MRTFB: variants seen among roughly 807,000 people sequenced by gnomAD.
MRTFB encodes the protein myocardin related transcription factor B.
MRTFB carries 29 observed loss-of-function variants against 104.2 expected under a neutral mutation model. That is an observed-to-expected ratio of 0.28 (90% CI 0.21 to 0.38). MRTFB has a LOEUF of 0.38. Among genes scored for constraint, MRTFB ranks in the 10% least tolerant of loss-of-function variants. The probability of loss-of-function intolerance (pLI) is 1.00; values close to 1 mark genes in which losing one functional copy is unlikely to be tolerated. For missense variants in MRTFB, 1,270 were observed against 1,341.6 expected, an observed-to-expected ratio of 0.95 and a Z score of 0.83; for synonymous variants, 535 against 519.5, an observed-to-expected ratio of 1.03 and a Z score of -0.41.
chr16:14,026,774 G>T, the MRTFB span, among the ~76,000 whole-genome samples: 1 of 152,160 alleles, frequency 6.6e-6, no homozygotes, highest in African/African-American at 2.4e-5. Context: ...GAGGATATAT[G>T]GTTGGCATAC....
In MRTFB at chr16:14,240,489, G is replaced by A. The variant is rs1489868281; in HGVS notation, c.1079+5G>A. 10 of 1,614,196 alleles carry A rather than the reference G, an allele frequency of 6.2e-6. No homozygotes were observed. Among genetic ancestry groups the A allele is most frequent in the South Asian group, 1.1e-5 (1 of 91,080 alleles). ...CATCCTGCCTGCACCATTCAAGTACGGCGGGGCCCATGCTATCCTCAACGC... is the reference window on the plus strand; with the variant it reads ...CATCCTGCCTGCACCATTCAAGTACAGCGGGGCCCATGCTATCCTCAACGC... On this transcript the variant is annotated splice_donor_5th_base_variant and intron_variant, in intron 10 of 16. Coordinates refer to ENST00000571589, the MANE Select transcript of MRTFB (RefSeq NM_001308142.2).
In MRTFB at chr16:14,266,215, A is replaced by C. The variant is rs1418018412; in HGVS notation, c.*4771A>C. 1 of 152,238 alleles carries C rather than the reference A, an allele frequency of 6.6e-6. No homozygotes were observed. Among genetic ancestry groups the C allele is most frequent in the East Asian group, 1.9e-4 (1 of 5,204 alleles). The allele number at this position is 152,238 out of a possible 1,614,324, so 9.4% of individuals were successfully genotyped here. The stretch of plus-strand genomic sequence containing the variant: ...GGTTATAATTTTCACTAAGATGTAG[A>C]TATTTCTCTTATTGTTTTCATGTAA... On this transcript the variant is annotated 3_prime_UTR_variant, in exon 17 of 17. Coordinates refer to ENST00000571589, the MANE Select transcript of MRTFB (RefSeq NM_001308142.2).
chr16:14,176,316 C>T (rs538099553), intron 3 of MRTFB, among the ~76,000 whole-genome samples: 1 of 152,268 alleles, frequency 6.6e-6, no homozygotes, highest in East Asian at 1.9e-4. Flanking sequence ...GATACAGTTC[C>T]AGCTCGCAAA....
Position 14,265,476 on chromosome 16 carries a change from T to G in MRTFB, c.*4032T>G, listed in dbSNP as rs1045987328. On this transcript the variant is annotated 3_prime_UTR_variant, in exon 17 of 17. Coordinates refer to ENST00000571589, the MANE Select transcript of MRTFB (RefSeq NM_001308142.2). ...CATTTCAACTCATCTTTTAAGTGAT[T>G]TCAGTCAAAACTGGAAAACAACTAA... 3 of 152,190 alleles carry G rather than the reference T, an allele frequency of 2.0e-5. No individual in the cohort carries two copies. The allele number at this position is 152,190 out of a possible 1,614,324, so 9.4% of individuals were successfully genotyped here.
chr16:14,126,279 C>T (rs1308362109), intron 2 of MRTFB, among the ~76,000 whole-genome samples: 1 of 151,972 alleles, frequency 6.6e-6, no homozygotes, highest in African/African-American at 2.4e-5. Context: ...TCTGTTAAAT[C>T]CCAAATATTG....
chr16:14,207,208 T>G (rs964602758), intron 3 of MRTFB, among the ~76,000 whole-genome samples: 4 of 152,170 alleles, frequency 2.6e-5, no homozygotes, highest in African/African-American at 9.7e-5. Flanking sequence ...TGGGAAAGTT[T>G]TATAGGCAAT....
intron 9 of MRTFB, among the ~76,000 whole-genome samples, chr16:14,236,275 A>C (rs887262665): frequency 1.3e-5 from 2 of 152,232 alleles, no homozygotes; most frequent in Non-Finnish European, 1.5e-5. Flanking sequence ...TTGAAGGAAT[A>C]AGTGGGGGAA....
the MRTFB span, among the ~76,000 whole-genome samples, chr16:14,043,809 C>G: frequency 6.6e-6 from 1 of 152,202 alleles, no homozygotes. Flanking sequence ...ACATGCCCAC[C>G]TTGGGCCGAA....
chr16:14,026,138 C>G, the MRTFB span, among the ~76,000 whole-genome samples: 1 of 151,974 alleles, frequency 6.6e-6, no homozygotes, highest in Non-Finnish European at 1.5e-5. Context: ...AAAATTTACA[C>G]AGAAAGGTAA....
chr16:14,242,736 A>G (rs898721431), intron 10 of MRTFB, among the ~76,000 whole-genome samples: 1 of 152,080 alleles, frequency 6.6e-6, no homozygotes, highest in African/African-American at 2.4e-5. Context: ...TTCGTTAGCA[A>G]CCTCTCTCTT....
the MRTFB span, chr16:14,009,572 C>T: frequency 6.6e-6 from 1 of 152,184 alleles, no homozygotes; most frequent in South Asian, 2.1e-4. Context: ...CAGTAGTAGA[C>T]ATCCTTTTCT....
intron 8 of MRTFB, among the ~76,000 whole-genome samples, chr16:14,232,357 C>A (rs1238478116): frequency 6.6e-6 from 1 of 152,132 alleles, no homozygotes. Context: ...CACGTAAAGT[C>A]ATATTCAGTA....
At position 14,235,923 on chromosome 16, in the gene MRTFB, G is replaced by A. The variant is rs528165091; in HGVS notation, c.831+1640G>A. Among the ~76,000 whole-genome samples the A allele has an allele frequency of 2.6e-5, 4 of 152,364 alleles. No homozygotes were observed. The South Asian group carries it at 8.3e-4, about 32-fold the overall frequency. On this transcript the variant is annotated intron_variant, in intron 9 of 16. Transcript: ENST00000571589. ...TAGCCAGGTGCAGTGGCTCACGCCTGTAATCCCTGCACTTTGGGAGGCCAA... is the reference window on the plus strand; with the variant it reads ...TAGCCAGGTGCAGTGGCTCACGCCTATAATCCCTGCACTTTGGGAGGCCAA...
the MRTFB span, among the ~76,000 whole-genome samples, chr16:14,050,398 C>A: frequency 1.3e-5 from 2 of 152,158 alleles, no homozygotes; most frequent in Admixed American, 6.5e-5. Flanking sequence ...AGGTCTCACT[C>A]TGTCACCTGG....
At chr16:14,205,660 C>G (rs1049991860) in intron 3 of MRTFB, among the ~76,000 whole-genome samples, 1 of 152,136 alleles carries the variant, frequency 6.6e-6, no homozygotes, top group African/African-American at 2.4e-5. Context: ...AACATGAAGT[C>G]TGTTTATCTT....
chr16:14,234,071 C>G, intron 8 of MRTFB, 75 bp from the exon 9 acceptor site: 1 of 1,553,598 alleles, frequency 6.4e-7, no homozygotes. Context: ...CCAGGTCATT[C>G]CCTTGTAATT....
At position 14,247,276 on chromosome 16, in the gene MRTFB, T is replaced by C. The variant is rs933009200; in HGVS notation, c.2016T>C (p.Leu672=). ...GQPVSTGGQT[L]VAKKAVVIKQ... Reference sequence around the variant, plus strand: ...CCGTCTCTACAGGTGGCCAGACCCTTGTTGCCAAAAAGGCTGTAGTTATCA... The same window carrying C: ...CCGTCTCTACAGGTGGCCAGACCCTCGTTGCCAAAAAGGCTGTAGTTATCA... The change falls in exon 12 of 17, where the codon CTT becomes CTC. Residue 672 remains leucine, a synonymous_variant. Coordinates refer to ENST00000571589, the MANE Select transcript of MRTFB (RefSeq NM_001308142.2). 6.2e-7 allele frequency: 1 copy of C among 1,614,164 alleles called. No individual in the cohort carries two copies. Among genetic ancestry groups the C allele is most frequent in the Middle Eastern group, 1.6e-4 (1 of 6,062 alleles).
chr16:14,252,614 A>G (rs773104645), intron 15 of MRTFB, 112 bp downstream of exon 15: 22 of 1,252,836 alleles, frequency 1.8e-5, no homozygotes, highest in Non-Finnish European at 2.1e-5. Flanking sequence ...CTCAATAGAA[A>G]TACAAAAATA....
intron 3 of MRTFB, among the ~76,000 whole-genome samples, chr16:14,191,310 A>C (rs934224565): frequency 1.3e-5 from 2 of 152,222 alleles, no homozygotes; most frequent in African/African-American, 4.8e-5. Context: ...GCTCTGGACA[A>C]CGCTACTCAG....
Sources: allele counts gnomAD v4.1 joint callset (sites outside exome capture counted in the v4.1 genomes callset), GRCh38; gene constraint gnomAD v4.1.1; transcripts MANE v1.5; gene names NCBI Gene and HGNC (gene_info 2026-07-23, HGNC 2026-07-21).